Variants in STRN4 observed in about 807,000 individuals in gnomAD.
STRN4 encodes the protein striatin 4.
Under a neutral mutation model 77.9 loss-of-function variants are expected in STRN4, and 27 were observed. The ratio of observed to expected loss-of-function variants is 0.35; its 90% CI spans 0.26 to 0.48. The LOEUF (loss-of-function observed/expected upper bound fraction) is 0.48. STRN4 is among the 20% of genes least tolerant of loss of function. The pLI, the probability that STRN4 is intolerant of heterozygous loss-of-function variation, is 0.99. For synonymous variants in STRN4, 466 were observed against 443.1 expected, an observed-to-expected ratio of 1.05 and a Z score of -0.65; for missense variants, 798 against 1,049.7, an observed-to-expected ratio of 0.76 and a Z score of 3.31.
rs374949354 is a variant in STRN4 at position 46,736,898 on chromosome 19, G to A, written c.464C>T (p.Ser155Phe). ...EKKADVSEQV[S>F]NGPVESVTLE... ...GGTGACCGATTCCACGGGGCCATTG[G>A]AGACTGGCGGGTGAGAGAACGGAGG... The change falls in exon 4 of 18, where the codon TCC (serine) becomes TTC (phenylalanine). Residue 155 changes from serine to phenylalanine, a missense_variant. This residue lies in a region of STRN4 where 511 missense variants were observed against 575.9 expected (regional missense o/e 0.89). Transcript: ENST00000263280. 4.3e-6 allele frequency: 7 copies of A among 1,612,000 alleles called. No homozygotes were observed. The highest frequency in any genetic ancestry group is 5.9e-6 in the Non-Finnish European group (7 of 1,179,056).
At chr19:46,745,992 C>T (rs2054585947) in intron 1 of STRN4, 157 bp downstream of exon 1, 3 of 955,904 alleles carry the variant, frequency 3.1e-6, no homozygotes, top group Non-Finnish European at 4.2e-6. Flanking sequence ...CCTCGGACGG[C>T]CCCTCACTCG....
At chr19:46,730,711 G>A in intron 6 of STRN4, 21 bp downstream of exon 6, 1 of 1,610,090 alleles carries the variant, frequency 6.2e-7, no homozygotes, top group Non-Finnish European at 8.5e-7. Context: ...AGGCTGTGCA[G>A]GGCATGGAGG....
In STRN4 at chr19:46,720,552, C is replaced by A. The variant is rs749726325; in HGVS notation, c.*50G>T. 6.7e-7 allele frequency: 1 copy of A among 1,489,542 alleles called. No homozygotes were observed. Among genetic ancestry groups the A allele is most frequent in the South Asian group, 1.4e-5 (1 of 72,004 alleles). 92.3% of individuals were successfully genotyped at this position (1,489,542 alleles called of 1,614,324 possible). A position where few individuals can be genotyped will look rare whatever the true frequency, so the allele number is the denominator to read the frequency against. Reference sequence around the variant, plus strand: ...TGCCCTCACCTCAGCCCCACCTGCCCGGCCCTACACCCCAGCCAGCGTGGC... The same window carrying A: ...TGCCCTCACCTCAGCCCCACCTGCCAGGCCCTACACCCCAGCCAGCGTGGC... On this transcript the variant is annotated 3_prime_UTR_variant, in exon 17 of 18. Coordinates refer to ENST00000263280, the MANE Select transcript of STRN4 (RefSeq NM_013403.3).
In STRN4 at chr19:46,746,442, G is replaced by A. The variant is rs1441404413; in HGVS notation, c.-12C>T. On this transcript the variant is annotated 5_prime_UTR_variant, in exon 1 of 18. Coordinates refer to ENST00000263280, the MANE Select transcript of STRN4 (RefSeq NM_013403.3). ...CGCTCCTCCATCATGGAGGCCCCGG[G>A]GCCGGCCTGCGCGCCCGCTGTGCCT... 6.0e-6 allele frequency: 6 copies of A among 1,007,464 alleles called. No individual in the cohort carries two copies. Among genetic ancestry groups the A allele is most frequent in the African/African-American group, 5.3e-5 (3 of 56,820 alleles). The allele number at this position is 1,007,464 out of a possible 1,614,324, so 62.4% of individuals were successfully genotyped here.
intron 9 of STRN4, among the ~76,000 whole-genome samples, chr19:46,726,442 C>T (rs1456342503): frequency 6.8e-6 from 1 of 146,686 alleles, no homozygotes; most frequent in Admixed American, 6.9e-5. Flanking sequence ...CCCAGGAGTT[C>T]GAGACCAGCC....
At chr19:46,732,058 T>C (rs969867770) in intron 5 of STRN4, 1 of 152,242 alleles carries the variant, frequency 6.6e-6, no homozygotes, top group African/African-American at 2.4e-5. Flanking sequence ...GCTGCTCCAA[T>C]GGCTCACACC....
chr19:46,725,415 C>T (rs2054086752), intron 10 of STRN4, 36 bp from the exon 11 acceptor site: 8 of 1,613,958 alleles, frequency 5.0e-6, no homozygotes, highest in Non-Finnish European at 6.8e-6. Flanking sequence ...GTCACTGAGA[C>T]CCTGTCACCC....
chr19:46,746,366 G>C lies in STRN4; in HGVS notation c.65C>G (p.Ser22Ter). The C allele has an allele frequency of 8.6e-7, 1 of 1,158,512 alleles. No individual in the cohort carries two copies. Among genetic ancestry groups the C allele is most frequent in the Non-Finnish European group, 1.1e-6 (1 of 942,676 alleles). 71.8% of individuals were successfully genotyped at this position (1,158,512 alleles called of 1,614,324 possible). Reference protein sequence around the residue: ...AAASSCRPLGSGAGPGPTGAA... With the variant: ...AAASSCRPLG ...CCCAGTGGGGCCAGGGCCCGCGCCTGAGCCGAGCGGACGGCAGGAGGAGGC... is the reference window on the plus strand; with the variant it reads ...CCCAGTGGGGCCAGGGCCCGCGCCTCAGCCGAGCGGACGGCAGGAGGAGGC... Residue 22 changes from serine (S) to a stop codon, truncating the protein, a stop_gained, in exon 1 of 18, where the codon TCA becomes TGA. Transcript: ENST00000263280. LOFTEE classifies it high-confidence loss of function.
chr19:46,738,835 C>G lies in STRN4; in HGVS notation c.336G>C (p.Thr112=). 4 of 1,614,168 alleles carry G rather than the reference C, an allele frequency of 2.5e-6. No individual in the cohort carries two copies. The highest frequency in any genetic ancestry group is 3.4e-6 in the Non-Finnish European group (4 of 1,180,042). ...GCATCTTGATCCGCCGCACCAGGTCCGTCTTTAGATTCTCCTGCCCTTTCC... is the reference window on the plus strand; with the variant it reads ...GCATCTTGATCCGCCGCACCAGGTCGGTCTTTAGATTCTCCTGCCCTTTCC... ...GERKGQENLK[T]DLVRRIKMLE... is the part of the protein sequence containing the mutation. Residue 112 remains threonine (T), a synonymous_variant, in exon 2 of 18, where the codon ACG becomes ACC. Transcript: ENST00000263280. The surrounding 1 kb of genome is among the most constrained non-coding windows in gnomAD (Gnocchi z 4.5).
In STRN4 at chr19:46,733,320, T is replaced by TCTTA; in HGVS notation, c.540-88_540-85dup. The TCTTA allele has an allele frequency of 1.4e-6, 2 of 1,383,778 alleles. No individual in the cohort carries two copies. Among genetic ancestry groups the TCTTA allele is most frequent in the Non-Finnish European group, 2.0e-6 (2 of 1,011,026 alleles). The allele number at this position is 1,383,778 out of a possible 1,614,324, so 85.7% of individuals were successfully genotyped here. On this transcript the variant is annotated intron_variant, in intron 4 of 17. Transcript: ENST00000263280. This position sits in a 1 kb window ranked among gnomAD's most constrained non-coding sequence, Gnocchi z 4.3. ...GGGGCCAATGCAAACCGAGACAACC[T>TCTTA]CTTAAGGGGCCACTTAAGAGCATAC...
At chr19:46,742,588 C>G (rs1034511976) in intron 1 of STRN4, among the ~76,000 whole-genome samples, 1 of 152,026 alleles carries the variant, frequency 6.6e-6, no homozygotes, top group African/African-American at 2.4e-5. Flanking sequence ...TTTGAGATGG[C>G]ATCTCGCTCT....
intron 7 of STRN4, 108 bp from the exon 8 acceptor site, chr19:46,728,115 G>A: frequency 9.6e-7 from 1 of 1,047,014 alleles, no homozygotes; most frequent in Non-Finnish European, 1.4e-6. Flanking sequence ...GTGGGGCTGT[G>A]AAGCTCTGGC....
chr19:46,722,462 G>T (rs907032491), intron 14 of STRN4, 122 bp from the exon 15 acceptor site: 2 of 1,059,264 alleles, frequency 1.9e-6, no homozygotes, highest in African/African-American at 1.6e-5. Context: ...GAGGGGGGCT[G>T]GGCGAGGGCA....
At position 46,733,044 on chromosome 19, in the gene STRN4, T is replaced by C. The variant is rs150924645; in HGVS notation, c.732A>G (p.Ile244Met). ...TGCCATGTCCACGGGCTCACCTCTT[T>C]ATCTGCTCCTCGATCTGTTTCACCA... ...SLLVKQIEEQ[I>M]KRNAAGKDGK... The change falls in exon 5 of 18, where the codon ATA (isoleucine) becomes ATG (methionine). Residue 244 changes from isoleucine to methionine, a missense_variant. Physicochemically the swap from Ile to Met is conservative, Grantham distance 10 (BLOSUM62 1). This residue lies in a region of STRN4 where 511 missense variants were observed against 575.9 expected (regional missense o/e 0.89). Transcript: ENST00000263280. This position sits in a 1 kb window ranked among gnomAD's most constrained non-coding sequence, Gnocchi z 4.3. 44 of 1,609,902 alleles carry C rather than the reference T, an allele frequency of 2.7e-5. No individual in the cohort carries two copies. Among genetic ancestry groups the C allele is most frequent in the Non-Finnish European group, 3.6e-5 (42 of 1,176,764 alleles).
intron 1 of STRN4, among the ~76,000 whole-genome samples, chr19:46,745,153 C>T (rs2054555633): frequency 6.6e-6 from 1 of 152,040 alleles, no homozygotes; most frequent in Admixed American, 6.6e-5. Flanking sequence ...GGCACCATCC[C>T]AGGACCCTCA....
intron 17 of STRN4, 87 bp downstream of exon 17, chr19:46,720,448 GC>G: frequency 1.1e-6 from 1 of 918,920 alleles, no homozygotes; most frequent in South Asian, 3.3e-5. Flanking sequence ...CTCACAGGAC[GC>G]CCCTGACTGG....
In STRN4 at chr19:46,723,635, G is replaced by A. The variant is rs1316013063; in HGVS notation, c.1595-351C>T. On this transcript the variant is annotated intron_variant, in intron 12 of 17. Coordinates refer to ENST00000263280, the MANE Select transcript of STRN4 (RefSeq NM_013403.3). This position sits in a 1 kb window ranked among gnomAD's most constrained non-coding sequence, Gnocchi z 5.5. The stretch of plus-strand genomic sequence containing the variant: ...GGTTCTGTGGCCCCAGGAGCGGCAC[G>A]CAGCCTGTGCTGGACAAGGGTTGGT... Among the ~76,000 whole-genome samples, 5 of 152,202 alleles carry A rather than the reference G, an allele frequency of 3.3e-5. No homozygotes were observed. Among genetic ancestry groups the A allele is most frequent in the Non-Finnish European group, 4.4e-5 (3 of 68,028 alleles).
chr19:46,727,978 G>A lies in STRN4; in HGVS notation c.1069C>T (p.Leu357=). 7 of 1,614,054 alleles carry A rather than the reference G, an allele frequency of 4.3e-6. No individual in the cohort carries two copies. The highest frequency in any genetic ancestry group is 5.9e-6 in the Non-Finnish European group (7 of 1,179,964). Residue 357 remains leucine (L), a synonymous_variant, in exon 8 of 18, where the codon CTG becomes TTG. Transcript: ENST00000263280. ...CCATCCACATCCCGCAGGTCAGCCA[G>A]AATGCCTTGGAGTTTGACCCGACGG... The part of the protein sequence containing the change: ...ESRRVKLQGI[L]ADLRDVDGLP...
In STRN4 at chr19:46,722,853, C is replaced by G. The variant is rs2054012659; in HGVS notation, c.1863G>C (p.Glu621Asp). The change falls in exon 14 of 18, where the codon GAG (glutamate) becomes GAC (aspartate). Residue 621 changes from glutamate (E) to aspartate (D), a missense_variant. Glu to Asp is a conservative substitution (Grantham distance 45, BLOSUM62 2). Transcript: ENST00000263280. ...RSGDTVLYDMEVGSALLTLES... is the reference protein window; with the variant it reads ...RSGDTVLYDMDVGSALLTLES... ...CCAGCGTGAGGAGGGCACTGCCAAC[C>G]TCCATGTCATACAAGACGGTGTCGC... 2.5e-6 allele frequency: 4 copies of G among 1,613,860 alleles called. No homozygotes were observed. The highest frequency in any genetic ancestry group is 1.3e-5 in the African/African-American group (1 of 74,960).
Sources: allele counts gnomAD v4.1 joint callset (sites outside exome capture counted in the v4.1 genomes callset), GRCh38; gene constraint gnomAD v4.1.1; regional missense constraint gnomAD v4.1.1; non-coding constraint Gnocchi (gnomAD v3.1); transcripts MANE v1.5; gene names NCBI Gene and HGNC (gene_info 2026-07-23, HGNC 2026-07-21).